The following ZRANB3 variants were observed in gnomAD, a reference collection of about 807,000 sequenced individuals.
ZRANB3 encodes the protein DNA annealing helicase and endonuclease ZRANB3.
ZRANB3 carries 125 observed loss-of-function variants against 133.8 expected under a neutral mutation model. The observed-to-expected ratio is 0.93, with a 90% CI of 0.81 to 1.08. The LOEUF (loss-of-function observed/expected upper bound fraction) is 1.08, where lower values mean the gene tolerates loss of function less well. ZRANB3 is among the 50% of genes least tolerant of loss of function. The probability of loss-of-function intolerance (pLI) is 0.00; values close to 1 mark genes in which losing one functional copy is unlikely to be tolerated. For synonymous variants in ZRANB3, 387 were observed against 432.7 expected, an observed-to-expected ratio of 0.89 and a Z score of 1.31; for missense variants, 1,229 against 1,275.5, an observed-to-expected ratio of 0.96 and a Z score of 0.56.
intron 2 of ZRANB3, among the ~76,000 whole-genome samples, chr2:135,452,302 T>C (rs549933500): frequency 2.6e-5 from 4 of 152,274 alleles, no homozygotes; most frequent in Non-Finnish European, 4.4e-5. Flanking sequence ...ATGGACATTC[T>C]GGGAGATACA....
intron 2 of ZRANB3, among the ~76,000 whole-genome samples, chr2:135,434,526 G>A (rs976116614): frequency 2.6e-5 from 4 of 152,198 alleles, no homozygotes; most frequent in Non-Finnish European, 5.9e-5. Context: ...TCAAAACACA[G>A]GGCTAGAAGT....
At chr2:135,404,420 G>A (rs57625301) in intron 2 of ZRANB3, among the ~76,000 whole-genome samples, 6,759 of 152,134 alleles carry the variant, frequency 0.044, 503 homozygotes, top group African/African-American at 0.16. Context: ...AAAAAGAAAC[G>A]AACAAAGCCT....
At chr2:135,211,676 C>T (rs898186035) in intron 17 of ZRANB3, among the ~76,000 whole-genome samples, 3 of 146,908 alleles carry the variant, frequency 2.0e-5, no homozygotes, top group African/African-American at 7.9e-5. Flanking sequence ...ACATGCTTCT[C>T]AGAGATCTTT....
chr2:135,308,921 A>T (rs1478155729), intron 8 of ZRANB3, among the ~76,000 whole-genome samples: 8 of 152,110 alleles, frequency 5.3e-5, no homozygotes, highest in Admixed American at 3.3e-4. Context: ...ACAAACTAGT[A>T]AAAAAAGGAA....
At chr2:135,435,515 G>A (rs1380370631) in intron 2 of ZRANB3, among the ~76,000 whole-genome samples, 1 of 152,204 alleles carries the variant, frequency 6.6e-6, no homozygotes, top group Non-Finnish European at 1.5e-5. Context: ...ACCCAGTAAT[G>A]GGATTGCTAA....
At chr2:135,502,266 A>G (rs1219727135) in intron 2 of ZRANB3, among the ~76,000 whole-genome samples, 1 of 152,176 alleles carries the variant, frequency 6.6e-6, no homozygotes, top group African/African-American at 2.4e-5. Flanking sequence ...AAAAAAGAAG[A>G]CTTAAGCTCA....
intron 3 of ZRANB3, among the ~76,000 whole-genome samples, chr2:135,369,182 A>G (rs1023620932): frequency 6.6e-6 from 1 of 152,076 alleles, no homozygotes; most frequent in Non-Finnish European, 1.5e-5. Context: ...AAACAGAAAT[A>G]CATAGAAAGT....
At chr2:135,435,977 G>GT (rs1689515859) in intron 2 of ZRANB3, among the ~76,000 whole-genome samples, 1 of 152,058 alleles carries the variant, frequency 6.6e-6, no homozygotes, top group East Asian at 1.9e-4. Context: ...TGTGTAGGTT[G>GT]TAAGTTTAAT....
chr2:135,396,735 T>C (rs1687506763), intron 2 of ZRANB3, among the ~76,000 whole-genome samples: 1 of 152,024 alleles, frequency 6.6e-6, no homozygotes, highest in South Asian at 2.1e-4. Context: ...ATGAATAATA[T>C]CTAGTATTCA....
Position 135,439,889 on chromosome 2 carries a change from C to T in ZRANB3, c.162-49069G>A, listed in dbSNP as rs77657859. The stretch of plus-strand genomic sequence containing the variant: ...TTTTAGTAGCAGTGACCATGCCTTT[C>T]GCTCACAACTTCTATCACCTGTACC... On this transcript the variant is annotated intron_variant, in intron 2 of 20. Transcript: ENST00000264159. 3.0e-3 allele frequency among the ~76,000 whole-genome samples: 453 copies of T among 152,310 alleles called. 3 individuals carry two copies. Among genetic ancestry groups the T allele is most frequent in the African/African-American group, 0.01 (420 of 41,576 alleles).
intron 3 of ZRANB3, among the ~76,000 whole-genome samples, chr2:135,383,500 T>C (rs982452879): frequency 7.2e-5 from 11 of 152,118 alleles, no homozygotes; most frequent in African/African-American, 2.4e-4. Flanking sequence ...GCGGACCTAA[T>C]AGACATCTAC....
At chr2:135,406,969 C>T (rs1286450100) in intron 2 of ZRANB3, among the ~76,000 whole-genome samples, 2 of 152,082 alleles carry the variant, frequency 1.3e-5, no homozygotes, top group Non-Finnish European at 2.9e-5. Context: ...AAGTTCTGGC[C>T]AGGGCAATCA....
chr2:135,317,732 A>G (rs1018706096), intron 6 of ZRANB3, among the ~76,000 whole-genome samples: 13 of 152,190 alleles, frequency 8.5e-5, no homozygotes, highest in Non-Finnish European at 2.9e-5. Context: ...GGGAGGGTAC[A>G]CTATTGAGAG....
intron 2 of ZRANB3, among the ~76,000 whole-genome samples, chr2:135,495,063 T>C (rs1245207347): frequency 6.6e-6 from 1 of 152,128 alleles, no homozygotes; most frequent in Admixed American, 6.6e-5. Flanking sequence ...AGCAGAACTC[T>C]GTCTCTATAA....
intron 2 of ZRANB3, among the ~76,000 whole-genome samples, chr2:135,419,579 G>A (rs899329024): frequency 1.3e-5 from 2 of 152,036 alleles, no homozygotes; most frequent in South Asian, 2.1e-4. Context: ...AATAAGGATT[G>A]CACCCATATA....
At chr2:135,334,681 G>A (rs991550128) in intron 6 of ZRANB3, among the ~76,000 whole-genome samples, 2 of 152,020 alleles carry the variant, frequency 1.3e-5, no homozygotes, top group African/African-American at 4.8e-5. Context: ...GGATCACGAG[G>A]TCAGGAGATC....
chr2:135,422,049 T>C (rs1688877260), intron 2 of ZRANB3, among the ~76,000 whole-genome samples: 2 of 152,156 alleles, frequency 1.3e-5, no homozygotes, highest in Non-Finnish European at 2.9e-5. Flanking sequence ...TTGTCTTGGA[T>C]TGATTTCTAA....
rs117177293 is a variant in ZRANB3 at position 135,229,097 on chromosome 2, A to G, written c.1955-1082T>C. Among the ~76,000 whole-genome samples the G allele has an allele frequency of 4.5e-4, 68 of 152,302 alleles. No individual in the cohort carries two copies. In the East Asian group the frequency reaches 9.3e-3, roughly 21 times the overall value. On this transcript the variant is annotated intron_variant, in intron 13 of 20. Transcript: ENST00000264159. ...CTGTAGCAGTTGGGAATTGCATGCAATCATGCTAATTGTGACAGAGATATT... is the reference window on the plus strand; with the variant it reads ...CTGTAGCAGTTGGGAATTGCATGCAGTCATGCTAATTGTGACAGAGATATT...
intron 2 of ZRANB3, among the ~76,000 whole-genome samples, chr2:135,486,854 G>A (rs1260365001): frequency 6.6e-6 from 1 of 152,150 alleles, no homozygotes; most frequent in East Asian, 1.9e-4. Flanking sequence ...AATCCATGAG[G>A]ACTGGGATCA....
Sources: allele counts gnomAD v4.1 joint callset (sites outside exome capture counted in the v4.1 genomes callset), GRCh38; gene constraint gnomAD v4.1.1; transcripts MANE v1.5; gene names NCBI Gene and HGNC (gene_info 2026-07-23, HGNC 2026-07-21).